Variants in RBFOX1 observed in about 807,000 individuals in gnomAD.
RBFOX1 encodes the protein RNA binding fox-1 homolog 1.
Under a neutral mutation model 57.7 loss-of-function variants are expected in RBFOX1, and 8 were observed. That is an observed-to-expected ratio of 0.14 (90% CI 0.08 to 0.25). RBFOX1 has a LOEUF of 0.25. Among genes scored for constraint, RBFOX1 ranks in the 10% least tolerant of loss-of-function variants. The probability of loss-of-function intolerance (pLI) is 1.00; values close to 1 mark genes in which losing one functional copy is unlikely to be tolerated. For missense variants in RBFOX1, 611 were observed against 548.5 expected (o/e 1.11, Z -1.14); for synonymous variants, 326 against 222.4 (o/e 1.47, Z -4.15).
At chr16:5,553,119 C>A (rs1241499003) in intron 2 of RBFOX1, among the ~76,000 whole-genome samples, 2 of 152,066 alleles carry the variant, frequency 1.3e-5, no homozygotes, top group Admixed American at 1.3e-4. Flanking sequence ...ACATCACATA[C>A]CCGGGCCTGT....
chr16:6,895,536 C>T (rs1230334484), intron 3 of RBFOX1, among the ~76,000 whole-genome samples: 1 of 144,324 alleles, frequency 6.9e-6, no homozygotes. Flanking sequence ...ATGACCTCTA[C>T]AAGGCAGCTG....
intron 2 of RBFOX1, among the ~76,000 whole-genome samples, chr16:6,397,010 T>C (rs1257042942): frequency 1.3e-5 from 2 of 152,166 alleles, no homozygotes; most frequent in Non-Finnish European, 2.9e-5. Context: ...TATCATTCAA[T>C]TTGAAAAAAA....
At chr16:6,640,523 G>C (rs1458641412) in intron 2 of RBFOX1, among the ~76,000 whole-genome samples, 1 of 152,092 alleles carries the variant, frequency 6.6e-6, no homozygotes, top group Non-Finnish European at 1.5e-5. Flanking sequence ...CAGGAGAATA[G>C]CGTGAACCCG....
chr16:5,769,503 AT>A (rs1224766320), intron 3 of RBFOX1, among the ~76,000 whole-genome samples: 283 of 148,116 alleles, frequency 1.9e-3, no homozygotes, highest in Non-Finnish European at 3.2e-3. Flanking sequence ...AAAAAAAAAA[AT>A]TAGCTAGGTA....
At chr16:5,741,287 G>A (rs74006248) in intron 3 of RBFOX1, among the ~76,000 whole-genome samples, 20 of 152,236 alleles carry the variant, frequency 1.3e-4, no homozygotes, top group African/African-American at 3.9e-4. Flanking sequence ...TCATAAGGCC[G>A]CAAGCCCATC....
At chr16:7,234,158 T>C (rs1421524313) in intron 4 of RBFOX1, among the ~76,000 whole-genome samples, 1 of 152,150 alleles carries the variant, frequency 6.6e-6, no homozygotes, top group Non-Finnish European at 1.5e-5. Context: ...TTTTGTCAGA[T>C]ATGTGGCTCA....
At chr16:6,381,683 T>G (rs1002908822) in intron 2 of RBFOX1, among the ~76,000 whole-genome samples, 1 of 152,214 alleles carries the variant, frequency 6.6e-6, no homozygotes, top group African/African-American at 2.4e-5. Context: ...GCTTCTGTCA[T>G]GACGCTGGGG....
At chr16:7,120,836 C>CACAG (rs2066986659) in intron 4 of RBFOX1, among the ~76,000 whole-genome samples, 1 of 140,788 alleles carries the variant, frequency 7.1e-6, no homozygotes, top group African/African-American at 2.8e-5. Flanking sequence ...TATATACACA[C>CACAG]ACACACACAC....
chr16:5,571,959 T>A (rs2046298694), intron 2 of RBFOX1, among the ~76,000 whole-genome samples: 1 of 152,220 alleles, frequency 6.6e-6, no homozygotes, highest in African/African-American at 2.4e-5. Context: ...ATAATTAAGA[T>A]AATGGACCTT....
intron 2 of RBFOX1, among the ~76,000 whole-genome samples, chr16:5,499,629 G>A (rs984575835): frequency 3.3e-5 from 5 of 150,698 alleles, no homozygotes; most frequent in Admixed American, 1.3e-4. Context: ...CTGGAGTACC[G>A]TGGTGTGATC....
chr16:6,064,495 C>T (rs1443912993), intron 1 of RBFOX1, among the ~76,000 whole-genome samples: 1 of 152,040 alleles, frequency 6.6e-6, no homozygotes, highest in Non-Finnish European at 1.5e-5. Flanking sequence ...AAATCCATTC[C>T]CACATTTTCT....
At chr16:6,682,246 C>T (rs897013484) in intron 3 of RBFOX1, among the ~76,000 whole-genome samples, 4 of 152,074 alleles carry the variant, frequency 2.6e-5, no homozygotes, top group Non-Finnish European at 5.9e-5. Flanking sequence ...CTTTCAGCTC[C>T]CACTCTCAGA....
rs2084134130 is a variant in RBFOX1 at position 7,712,410 on chromosome 16, G to A, written c.*1665G>A. On this transcript the variant is annotated 3_prime_UTR_variant, in exon 16 of 16. Transcript: ENST00000550418. ...ACCAAACAAAACTTTAAAAAAAAAT[G>A]TGTGATCCAGCTTTCTCTTGCCATC... is the stretch of plus-strand genomic sequence containing the variant. The A allele has an allele frequency of 6.6e-6, 1 of 152,528 alleles. No homozygotes were observed. Among genetic ancestry groups the A allele is most frequent in the Admixed American group, 6.5e-5 (1 of 15,268 alleles). The allele number at this position is 152,528 out of a possible 1,614,324, so 9.4% of individuals were successfully genotyped here.
rs940457411 is a variant in RBFOX1 at position 6,975,562 on chromosome 16, T to C, written c.-15-76495T>C. On this transcript the variant is annotated intron_variant, in intron 3 of 15. Transcript: ENST00000550418. Reference sequence around the variant, plus strand: ...GATTACAGGCGTGAGCCACTGCACCTGGCCGCAAGTGCCCATATGTTGATA... The same window carrying C: ...GATTACAGGCGTGAGCCACTGCACCCGGCCGCAAGTGCCCATATGTTGATA... 5.3e-5 allele frequency among the ~76,000 whole-genome samples: 8 copies of C among 152,076 alleles called. No homozygotes were observed. The South Asian group carries it at 1.7e-3, about 32-fold the overall frequency.
intron 3 of RBFOX1, among the ~76,000 whole-genome samples, chr16:5,721,315 C>T (rs183229767): frequency 6.6e-6 from 1 of 152,246 alleles, no homozygotes; most frequent in East Asian, 1.9e-4. Flanking sequence ...TGCTACTTTG[C>T]TGAATTTATT....
chr16:6,826,122 G>T (rs941045671), intron 3 of RBFOX1, among the ~76,000 whole-genome samples: 1 of 152,018 alleles, frequency 6.6e-6, no homozygotes, highest in Admixed American at 6.6e-5. Context: ...TGGTCATGCC[G>T]TCTCACTTCT....
intron 1 of RBFOX1, among the ~76,000 whole-genome samples, chr16:6,189,986 T>C (rs2097131808): frequency 6.6e-6 from 1 of 152,188 alleles, no homozygotes; most frequent in South Asian, 2.1e-4. Context: ...AGTAGTTTCA[T>C]AGTTTGAGGT....
At chr16:6,215,860 A>T (rs1360020882) in intron 1 of RBFOX1, among the ~76,000 whole-genome samples, 1 of 152,160 alleles carries the variant, frequency 6.6e-6, no homozygotes, top group Non-Finnish European at 1.5e-5. Flanking sequence ...AGTATGAATC[A>T]ACTCGCCACA....
chr16:6,086,401 T>C (rs945878430), intron 1 of RBFOX1, among the ~76,000 whole-genome samples: 2 of 152,222 alleles, frequency 1.3e-5, no homozygotes, highest in African/African-American at 4.8e-5. Context: ...TAGTGTTTAA[T>C]CCACTCTGAG....
Sources: allele counts gnomAD v4.1 joint callset (sites outside exome capture counted in the v4.1 genomes callset), GRCh38; gene constraint gnomAD v4.1.1; transcripts MANE v1.5; gene names NCBI Gene and HGNC (gene_info 2026-07-23, HGNC 2026-07-21).